Variants in IMMP2L observed in about 807,000 individuals in gnomAD.
The protein encoded by IMMP2L is inner mitochondrial membrane peptidase subunit 2.
Under a neutral mutation model 19.3 loss-of-function variants are expected in IMMP2L, and 18 were observed. That is an observed-to-expected ratio of 0.93 (90% confidence interval 0.64 to 1.38). IMMP2L has a LOEUF of 1.38. Among genes scored for constraint, IMMP2L ranks in the 40% most tolerant of loss-of-function variants. The probability of loss-of-function intolerance (pLI) is 0.00; values close to 1 mark genes in which losing one functional copy is unlikely to be tolerated. For missense variants in IMMP2L, 233 were observed against 218.2 expected (o/e 1.07, Z -0.43); for synonymous variants, 76 against 73.0 (o/e 1.04, Z -0.21).
At chr7:110,716,632 T>C (rs886707017) in intron 5 of IMMP2L, among the ~76,000 whole-genome samples, 3 of 152,224 alleles carry the variant, frequency 2.0e-5, no homozygotes, top group Non-Finnish European at 4.4e-5. Context: ...AGGCACCTAA[T>C]CTCTCTTGTC....
At chr7:111,108,563 GATTT>G (rs1798812820) in intron 3 of IMMP2L, among the ~76,000 whole-genome samples, 1 of 152,000 alleles carries the variant, frequency 6.6e-6, no homozygotes, top group Non-Finnish European at 1.5e-5. Flanking sequence ...CCTCACAACA[GATTT>G]ATTCGAGATA....
chr7:110,834,389 T>TTA (rs145376725), intron 5 of IMMP2L, among the ~76,000 whole-genome samples: 12,383 of 150,176 alleles, frequency 0.082, 697 homozygotes, highest in African/African-American at 0.16. Flanking sequence ...ATATGCAACT[T>TTA]TATATATATA....
chr7:110,686,714 C>T (rs913919705), intron 5 of IMMP2L, among the ~76,000 whole-genome samples: 5 of 152,134 alleles, frequency 3.3e-5, no homozygotes, highest in African/African-American at 1.2e-4. Context: ...AATCCATCTG[C>T]TCCTTCCATC....
intron 5 of IMMP2L, among the ~76,000 whole-genome samples, chr7:110,777,135 T>C (rs1412855770): frequency 6.6e-6 from 1 of 151,976 alleles, no homozygotes; most frequent in African/African-American, 2.4e-5. Context: ...CTCAAATCCT[T>C]TCCCATGGGC....
intron 4 of IMMP2L, among the ~76,000 whole-genome samples, chr7:110,925,076 G>A (rs1585289136): frequency 6.6e-6 from 1 of 152,146 alleles, no homozygotes; most frequent in African/African-American, 2.4e-5. Context: ...GGCATAAGAT[G>A]TGTGGGGGAA....
At chr7:110,931,869 TCAGA>T (rs1815529281) in intron 4 of IMMP2L, among the ~76,000 whole-genome samples, 1 of 152,124 alleles carries the variant, frequency 6.6e-6, no homozygotes, top group African/African-American at 2.4e-5. Flanking sequence ...TTTCCCTTAC[TCAGA>T]CAGACCAATC....
intron 3 of IMMP2L, among the ~76,000 whole-genome samples, chr7:111,359,476 AT>A (rs1231408930): frequency 6.6e-6 from 1 of 151,828 alleles, no homozygotes; most frequent in Admixed American, 6.6e-5. Flanking sequence ...TAATTTTTGT[AT>A]TTTTAGTAGA....
intron 3 of IMMP2L, among the ~76,000 whole-genome samples, chr7:111,270,258 A>G (rs1277023673): frequency 2.0e-5 from 3 of 152,116 alleles, no homozygotes; most frequent in Non-Finnish European, 4.4e-5. Flanking sequence ...GTACTGTAGC[A>G]CAGATTCCAT....
At chr7:111,532,923 T>A (rs1847536344) in intron 1 of IMMP2L, among the ~76,000 whole-genome samples, 1 of 152,050 alleles carries the variant, frequency 6.6e-6, no homozygotes, top group Non-Finnish European at 1.5e-5. Flanking sequence ...ATTTATGCAA[T>A]TTAAGGTGAA....
At chr7:110,947,462 A>G (rs1264416672) in intron 4 of IMMP2L, among the ~76,000 whole-genome samples, 2 of 152,170 alleles carry the variant, frequency 1.3e-5, no homozygotes, top group East Asian at 3.9e-4. Context: ...CATTTACATA[A>G]TCCTCAAAAG....
At chr7:111,337,245 A>C (rs1180398580) in intron 3 of IMMP2L, among the ~76,000 whole-genome samples, 1 of 152,072 alleles carries the variant, frequency 6.6e-6, no homozygotes, top group East Asian at 1.9e-4. Context: ...TACACTAAAT[A>C]GTTTATTTTA....
intron 3 of IMMP2L, among the ~76,000 whole-genome samples, chr7:111,341,608 ATAAT>A (rs935747792): frequency 6.6e-6 from 1 of 152,186 alleles, no homozygotes; most frequent in African/African-American, 2.4e-5. Flanking sequence ...ATCTTTATAA[ATAAT>A]TAGCCTTGAT....
At chr7:111,366,460 A>G (rs1584815821) in intron 3 of IMMP2L, among the ~76,000 whole-genome samples, 2 of 152,104 alleles carry the variant, frequency 1.3e-5, no homozygotes, top group East Asian at 3.9e-4. Flanking sequence ...GAGATTAAAG[A>G]GACCTGAAAA....
chr7:111,352,984 C>T (rs573031615), intron 3 of IMMP2L, among the ~76,000 whole-genome samples: 1 of 152,274 alleles, frequency 6.6e-6, no homozygotes, highest in South Asian at 2.1e-4. Flanking sequence ...CCCATAGGAG[C>T]CTGCTAACTA....
At chr7:111,376,200 C>G (rs1173671399) in intron 3 of IMMP2L, among the ~76,000 whole-genome samples, 1 of 151,964 alleles carries the variant, frequency 6.6e-6, no homozygotes, top group Non-Finnish European at 1.5e-5. Flanking sequence ...AATATCTAAA[C>G]AAATCTGACA....
In IMMP2L at chr7:111,303,190, A is replaced by AT. The variant is rs113990334; in HGVS notation, c.239+184047dup. 8.8e-3 allele frequency among the ~76,000 whole-genome samples: 1,332 copies of AT among 151,644 alleles called. 22 individuals carry two copies. Among genetic ancestry groups the AT allele is most frequent in the African/African-American group, 0.031 (1,259 of 41,138 alleles). On this transcript the variant is annotated intron_variant, in intron 3 of 5. Transcript: ENST00000405709. ...CTCTAAGTATCCTCAAAGTGCTTTGATTTTTTTTCTCTAAGTGAGCTATAG... is the reference window on the plus strand; with the variant it reads ...CTCTAAGTATCCTCAAAGTGCTTTGATTTTTTTTTCTCTAAGTGAGCTATAG...
intron 3 of IMMP2L, among the ~76,000 whole-genome samples, chr7:110,991,305 T>C (rs207468410): frequency 6.6e-6 from 1 of 152,158 alleles, no homozygotes; most frequent in Non-Finnish European, 1.5e-5. Flanking sequence ...TGGCTTACTC[T>C]AAATGTTTAT....
At chr7:110,903,885 T>C (rs576112866) in intron 4 of IMMP2L, among the ~76,000 whole-genome samples, 16 of 152,278 alleles carry the variant, frequency 1.1e-4, no homozygotes, top group African/African-American at 1.7e-4. Flanking sequence ...TTCACCAATA[T>C]TCATTGCCTT....
chr7:111,378,420 G>T (rs1830891030), intron 3 of IMMP2L, among the ~76,000 whole-genome samples: 1 of 151,784 alleles, frequency 6.6e-6, no homozygotes, highest in African/African-American at 2.4e-5. Flanking sequence ...ATATATTTAA[G>T]ACAAAAATGT....
Sources: gnomAD v4.1 joint callset for allele counts (sites outside exome capture counted in the v4.1 genomes callset) on GRCh38, gnomAD v4.1.1 for gene constraint, MANE v1.5 for transcripts, NCBI Gene and HGNC (gene_info 2026-07-23, HGNC 2026-07-21) for gene names.